TSHR: variants seen among roughly 807,000 people sequenced by gnomAD.
TSHR encodes the protein thyroid stimulating hormone receptor.
In TSHR, 51 loss-of-function variants were observed where a neutral mutation model predicts 64.1. The ratio of observed to expected loss-of-function variants is 0.80; its 90% CI spans 0.64 to 1.01. The LOEUF is 1.01. Among genes scored for constraint, TSHR ranks in the 50% least tolerant of loss-of-function variants. The pLI is 0.00. For missense variants in TSHR, 877 were observed against 942.8 expected, an observed-to-expected ratio of 0.93 and a Z score of 0.91; for synonymous variants, 361 against 361.9, an observed-to-expected ratio of 1.00 and a Z score of 0.03.
At chr14:81,105,341 T>C (rs537470548) in intron 7 of TSHR, 2 of 666,706 alleles carry the variant, frequency 3.0e-6, no homozygotes, top group African/African-American at 3.9e-5. Context: ...TGACTTCAGA[T>C]GGAAGGCAAG....
chr14:81,077,102 A>G (rs1274596023), intron 3 of TSHR, among the ~76,000 whole-genome samples: 1 of 152,184 alleles, frequency 6.6e-6, no homozygotes, highest in Non-Finnish European at 1.5e-5. Context: ...ACAGAGACAC[A>G]TACCATTCAG....
chr14:81,039,349 A>ATGTT (rs1594986244), intron 1 of TSHR, among the ~76,000 whole-genome samples: 1 of 152,048 alleles, frequency 6.6e-6, no homozygotes, highest in East Asian at 1.9e-4. Flanking sequence ...TTAACATGAT[A>ATGTT]AAGGCCAAAT....
At position 81,067,483 on chromosome 14, in the gene TSHR, T is replaced by TTATATATATATATATA. The variant is rs71103896; in HGVS notation, c.243-764_243-749dup. On this transcript the variant is annotated intron_variant, in intron 2 of 9. Coordinates refer to ENST00000298171, the MANE Select transcript of TSHR (RefSeq NM_000369.5). ...TAATTAGTGAAAGGAGTTTATAGTT[T>TTATATATATATATATA]TATATATATATATATATATATAGTG... Among the ~76,000 whole-genome samples, 810 of 134,856 alleles carry TTATATATATATATATA rather than the reference T, an allele frequency of 6.0e-3. 14 individuals carry two copies. The highest frequency in any genetic ancestry group is 0.021 in the African/African-American group (733 of 34,598). The allele number at this position is 134,856 out of a possible 152,430, so 88.5% of individuals were successfully genotyped here. A position where few individuals can be genotyped will look rare whatever the true frequency, so the allele number is the denominator to read the frequency against.
At chr14:81,008,657 A>G (rs191903071) in intron 1 of TSHR, among the ~76,000 whole-genome samples, 43 of 152,348 alleles carry the variant, frequency 2.8e-4, no homozygotes, top group Admixed American at 2.3e-3. Context: ...TTTAAGCTTT[A>G]TCTATGTGAA....
At chr14:81,004,278 T>A (rs575018267) in intron 1 of TSHR, among the ~76,000 whole-genome samples, 2 of 152,316 alleles carry the variant, frequency 1.3e-5, no homozygotes, top group African/African-American at 4.8e-5. Flanking sequence ...GGGATTGTAA[T>A]CTGCCAAAGA....
chr14:81,063,563 C>T (rs1237735324), intron 2 of TSHR, among the ~76,000 whole-genome samples: 1 of 152,142 alleles, frequency 6.6e-6, no homozygotes, highest in Non-Finnish European at 1.5e-5. Context: ...TCCTTTAGCT[C>T]TTCCTTTTCC....
chr14:81,110,604 G>A (rs1890184013), intron 8 of TSHR, among the ~76,000 whole-genome samples: 1 of 152,128 alleles, frequency 6.6e-6, no homozygotes, highest in African/African-American at 2.4e-5. Flanking sequence ...AGTTGTAGCA[G>A]GTTTAAAATC....
intron 8 of TSHR, among the ~76,000 whole-genome samples, chr14:81,132,419 A>G (rs539156360): frequency 5.3e-5 from 8 of 152,350 alleles, no homozygotes; most frequent in African/African-American, 1.9e-4. Context: ...AGAGGGCATA[A>G]TTGCTTTTGA....
chr14:81,001,458 T>G, intron 1 of TSHR: 1 of 498,810 alleles, frequency 2.0e-6, no homozygotes, highest in Non-Finnish European at 4.0e-6. Context: ...CTGGGTATGC[T>G]CAATGACCTG....
At chr14:81,120,850 A>G (rs1451164024) in intron 8 of TSHR, among the ~76,000 whole-genome samples, 1 of 152,218 alleles carries the variant, frequency 6.6e-6, no homozygotes, top group African/African-American at 2.4e-5. Flanking sequence ...AATGTTTTAC[A>G]TGTGCAAAAC....
At chr14:81,112,171 G>A (rs1328491065) in intron 8 of TSHR, among the ~76,000 whole-genome samples, 2 of 152,152 alleles carry the variant, frequency 1.3e-5, no homozygotes, top group Non-Finnish European at 2.9e-5. Context: ...CTAACTGTAA[G>A]ACCCAAGTCT....
intron 8 of TSHR, 92 bp from the exon 9 acceptor site, chr14:81,139,587 T>A (rs1475901651): frequency 7.5e-7 from 1 of 1,339,702 alleles, no homozygotes; most frequent in East Asian, 2.3e-5. Context: ...CATCTCCCAA[T>A]TAACCTCAGG....
At chr14:81,096,606 G>C (rs1270772258) in intron 6 of TSHR, 33 bp from the exon 7 acceptor site, 1 of 1,607,654 alleles carries the variant, frequency 6.2e-7, no homozygotes, top group African/African-American at 1.3e-5. Flanking sequence ...CTTCTCACCA[G>C]TCACTGATTT....
intron 1 of TSHR, chr14:80,958,013 T>A: frequency 6.6e-6 from 1 of 152,140 alleles, no homozygotes; most frequent in East Asian, 1.9e-4. Flanking sequence ...ATAAAAAGTG[T>A]GGGTAAAACA....
chr14:81,096,562 T>C (rs1889204790), intron 6 of TSHR, 77 bp from the exon 7 acceptor site: 1 of 1,435,436 alleles, frequency 7.0e-7, no homozygotes, highest in African/African-American at 1.4e-5. Flanking sequence ...ACTGAAGAAA[T>C]ATAGTCCAAC....
Position 81,143,486 on chromosome 14 carries a change from C to T in TSHR, c.1428C>T (p.Tyr476=), listed in dbSNP as rs1461734043. 1 of 1,614,010 alleles carries T rather than the reference C, an allele frequency of 6.2e-7. No homozygotes were observed. Among genetic ancestry groups the T allele is most frequent in the African/African-American group, 1.3e-5 (1 of 74,926 alleles). ...TCCTCATCGCCTCTGTAGACCTCTA[C>T]ACTCACTCTGAGTACTACAACCATG... ...YLLLIASVDL[Y]THSEYYNHAI... is the part of the protein sequence containing the mutation. Residue 476 remains tyrosine, a synonymous_variant, in exon 10 of 10, where the codon TAC becomes TAT. Coordinates refer to ENST00000298171, the MANE Select transcript of TSHR (RefSeq NM_000369.5).
chr14:81,059,419 T>C (rs1566785740), intron 1 of TSHR, among the ~76,000 whole-genome samples: 2 of 152,184 alleles, frequency 1.3e-5, no homozygotes, highest in East Asian at 3.8e-4. Flanking sequence ...AACTCAATTG[T>C]GTATTTTTTT....
chr14:80,989,527 C>T (rs561242996), intron 1 of TSHR, among the ~76,000 whole-genome samples: 1 of 152,144 alleles, frequency 6.6e-6, no homozygotes, highest in Non-Finnish European at 1.5e-5. Context: ...ACATTGCAAT[C>T]TTCCTTTTGC....
chr14:81,109,708 G>A (rs914077972), intron 8 of TSHR, among the ~76,000 whole-genome samples: 2 of 152,136 alleles, frequency 1.3e-5, no homozygotes, highest in East Asian at 1.9e-4. Flanking sequence ...CAGACTGAAT[G>A]CACCCAGTGC....
Sources: allele counts gnomAD v4.1 joint callset (sites outside exome capture counted in the v4.1 genomes callset), GRCh38; gene constraint gnomAD v4.1.1; transcripts MANE v1.5; gene names NCBI Gene and HGNC (gene_info 2026-07-23, HGNC 2026-07-21).